The following ABCA4 variants were observed in gnomAD, a reference collection of about 807,000 sequenced individuals.
ABCA4 encodes ATP binding cassette subfamily A member 4, also known as retinal-specific phospholipid-transporting ATPase ABCA4.
A neutral mutation model predicts 263.7 loss-of-function variants in ABCA4; 196 were observed. The ratio of observed to expected loss-of-function variants is 0.74; its 90% CI spans 0.66 to 0.84. The LOEUF is 0.84. ABCA4 is among the 40% of genes least tolerant of loss of function. ABCA4 has a pLI of 0.00. For synonymous variants in ABCA4, 1,133 were observed against 1,094.2 expected (o/e 1.04, Z -0.70); for missense variants, 2,792 against 2,855.1 (o/e 0.98, Z 0.50).
chr1:94,085,788 G>A (rs558946073), intron 6 of ABCA4, among the ~76,000 whole-genome samples: 3 of 152,182 alleles, frequency 2.0e-5, no homozygotes, highest in African/African-American at 4.8e-5. Flanking sequence ...CTGCTCACAC[G>A]TCAGCTGTCT....
intron 26 of ABCA4, among the ~76,000 whole-genome samples, chr1:94,033,675 G>A (rs1660268465): frequency 6.6e-6 from 1 of 152,168 alleles, no homozygotes; most frequent in Non-Finnish European, 1.5e-5. Flanking sequence ...AAGGACAGTT[G>A]TAAAGGGAAT....
At chr1:94,005,353 A>G in intron 44 of ABCA4, 88 bp downstream of exon 44, 1 of 1,521,754 alleles carries the variant, frequency 6.6e-7, no homozygotes, top group Non-Finnish European at 9.1e-7. Context: ...AGCACGCTTC[A>G]GTTTCTCATC....
At chr1:94,083,826 G>T (rs1401181026) in intron 6 of ABCA4, among the ~76,000 whole-genome samples, 8 of 152,192 alleles carry the variant, frequency 5.3e-5, no homozygotes, top group African/African-American at 1.9e-4. Context: ...TGTTCACCTC[G>T]GAGCTTTGTA....
Position 94,079,458 on chromosome 1 carries a change from G to T in ABCA4, c.1103C>A (p.Ser368Tyr). 1 of 1,614,198 alleles carries T rather than the reference G, an allele frequency of 6.2e-7. No homozygotes were observed. The highest frequency in any genetic ancestry group is 8.5e-7 in the Non-Finnish European group (1 of 1,180,030). Residue 368 changes from serine to tyrosine, a missense_variant, in exon 9 of 50, where the codon TCC (serine) becomes TAC (tyrosine). Coordinates refer to ENST00000370225, the MANE Select transcript of ABCA4 (RefSeq NM_000350.3). ...GCTCTGGATCAATGCATTACAAAAG[G>T]ATGCTGCCAGGAGACAAGGGACAGA... Reference protein sequence around the residue: ...PIYSYDRRTTSFCNALIQSLE... With the variant: ...PIYSYDRRTTYFCNALIQSLE...
intron 28 of ABCA4, 106 bp downstream of exon 28, chr1:94,030,889 AT>A: frequency 6.6e-7 from 1 of 1,519,740 alleles, no homozygotes; most frequent in Non-Finnish European, 9.0e-7. Flanking sequence ...CCCCTCTCTC[AT>A]TGGTGAAGGT....
rs370024777 is a variant in ABCA4 at position 94,098,880 on chromosome 1, C to A, written c.682G>T (p.Ala228Ser). 3.1e-6 allele frequency: 5 copies of A among 1,614,040 alleles called. No individual in the cohort carries two copies. Among genetic ancestry groups the A allele is most frequent in the African/African-American group, 1.3e-5 (1 of 74,948 alleles). ...QRRGAKTVRY[A>S]LCSLSQGTLQ... ...GTGCCCTGGGAGAGGGAGCACAGGG[C>A]ATAGCGCACCGTCTTTGCCCCGCGT... Residue 228 changes from alanine to serine, a missense_variant, in exon 6 of 50, where the codon GCC (alanine) becomes TCC (serine). Transcript: ENST00000370225.
At chr1:94,091,607 A>G (rs1427434763) in intron 6 of ABCA4, among the ~76,000 whole-genome samples, 4 of 110,864 alleles carry the variant, frequency 3.6e-5, no homozygotes, top group Admixed American at 9.2e-5. Context: ...ACACACACAC[A>G]CACACACACA....
intron 11 of ABCA4, 113 bp from the exon 12 acceptor site, chr1:94,063,430 C>T: frequency 4.9e-6 from 5 of 1,022,430 alleles, no homozygotes; most frequent in Non-Finnish European, 7.6e-6. Flanking sequence ...TGGTCAAATG[C>T]AAGGAGGCCT....
chr1:94,061,141 GTGGAGGAC>G (rs1177275134), intron 13 of ABCA4, among the ~76,000 whole-genome samples: 1 of 152,218 alleles, frequency 6.6e-6, no homozygotes, highest in African/African-American at 2.4e-5. Context: ...ACCCAAGAGG[GTGGAGGAC>G]TGACAAGGGC....
chr1:94,040,082 C>T lies in ABCA4; in HGVS notation c.3568G>A (p.Ala1190Thr), dbSNP rs368692594. 7.5e-5 allele frequency: 121 copies of T among 1,610,030 alleles called. No homozygotes were observed. The highest frequency in any genetic ancestry group is 9.3e-6 in the Non-Finnish European group (11 of 1,178,104). ...SSKGFSTTCP[A>T]HVDDLTPEQV... is the part of the protein sequence containing the mutation. ...TCTGGAGTTAGGTCATCGACGTGGG[C>T]TGGACACGTGGTGGAGAAACCCTTA... The change falls in exon 24 of 50, where the codon GCC (alanine) becomes ACC (threonine). Residue 1190 changes from alanine to threonine, a missense_variant. Coordinates refer to ENST00000370225, the MANE Select transcript of ABCA4 (RefSeq NM_000350.3).
chr1:94,036,616 G>A, intron 26 of ABCA4, 124 bp downstream of exon 26: 3 of 1,043,920 alleles, frequency 2.9e-6, no homozygotes, highest in Non-Finnish European at 4.5e-6. Flanking sequence ...TGGTCCATCT[G>A]CCTTGGCCTC....
At chr1:94,108,747 A>C in intron 3 of ABCA4, 31 bp from the exon 4 acceptor site, 1 of 1,612,558 alleles carries the variant, frequency 6.2e-7, no homozygotes, top group Non-Finnish European at 8.5e-7. Flanking sequence ...TAATAAGGAA[A>C]TAGCTGTTAT....
rs183601274 is a variant in ABCA4 at position 94,074,346 on chromosome 1, C to T, written c.1554+3344G>A. On this transcript the variant is annotated intron_variant, in intron 11 of 49. Coordinates refer to ENST00000370225, the MANE Select transcript of ABCA4 (RefSeq NM_000350.3). ...ACTTAAACTGGATCCCTTCCTTACA[C>T]CTTATACAAAAATTAACTCAAGCTG... Among the ~76,000 whole-genome samples the T allele has an allele frequency of 2.3e-3, 353 of 152,246 alleles. 11 individuals carry two copies. Among genetic ancestry groups the T allele is most frequent in the Admixed American group, 0.019 (295 of 15,290 alleles).
chr1:94,014,346 GAGA>G (rs576876234), intron 38 of ABCA4, among the ~76,000 whole-genome samples, 194 bp downstream of exon 38: 2 of 144,886 alleles, frequency 1.4e-5, no homozygotes, highest in Non-Finnish European at 3.0e-5. Context: ...GAGGAGGGAG[GAGA>G]AGAAGGAAAG....
At chr1:94,017,737 C>T (rs1030676505) in intron 36 of ABCA4, among the ~76,000 whole-genome samples, 1 of 151,794 alleles carries the variant, frequency 6.6e-6, no homozygotes, top group African/African-American at 2.4e-5. Flanking sequence ...GAGAGAGAGA[C>T]AGGAAGAGAG....
rs1290742522 is a variant in ABCA4 at position 94,010,810 on chromosome 1, G to A, written c.5704C>T (p.Leu1902Phe). 2 of 1,614,170 alleles carry A rather than the reference G, an allele frequency of 1.2e-6. No homozygotes were observed. Among genetic ancestry groups the A allele is most frequent in the African/African-American group, 2.7e-5 (2 of 75,046 alleles). ...LTLLVQRHFF[L>F]SQWIAEPTKE... ...GTGGCATGGACGTACCATTGGGAGA[G>A]GAAGAAGTGGCGCTGGACCAGCAGG... Residue 1902 changes from leucine (L) to phenylalanine (F), a missense_variant, in exon 40 of 50, where the codon CTC becomes TTC. Leu to Phe is a conservative substitution (Grantham distance 22). Coordinates refer to ENST00000370225, the MANE Select transcript of ABCA4 (RefSeq NM_000350.3).
At chr1:94,035,181 C>G (rs887920403) in intron 26 of ABCA4, among the ~76,000 whole-genome samples, 1 of 152,188 alleles carries the variant, frequency 6.6e-6, no homozygotes, top group African/African-American at 2.4e-5. Context: ...GCCTATTTAT[C>G]AAGAAGGAAT....
intron 11 of ABCA4, among the ~76,000 whole-genome samples, chr1:94,067,528 A>G (rs1448075785): frequency 6.6e-6 from 1 of 152,196 alleles, no homozygotes; most frequent in African/African-American, 2.4e-5. Context: ...CATCTGACCC[A>G]TTTTCAAAGG....
At chr1:94,007,835 AT>A in intron 42 of ABCA4, 95 bp from the exon 43 acceptor site, 1 of 1,175,908 alleles carries the variant, frequency 8.5e-7, no homozygotes, top group Non-Finnish European at 1.3e-6. Context: ...TGGGGGAGGA[AT>A]TTTAGACCTG....
Sources: allele counts gnomAD v4.1 joint callset (sites outside exome capture counted in the v4.1 genomes callset), GRCh38; gene constraint gnomAD v4.1.1; transcripts MANE v1.5; gene names NCBI Gene and HGNC (gene_info 2026-07-23, HGNC 2026-07-21).